RAP1GDS1: variants seen among roughly 807,000 people sequenced by gnomAD.
RAP1GDS1 encodes the protein Rap1 GTPase-GDP dissociation stimulator 1, also known as RAP1, GTP-GDP dissociation stimulator 1.
A neutral mutation model predicts 71.1 loss-of-function variants in RAP1GDS1; 35 were observed. The ratio of observed to expected loss-of-function variants is 0.49; its 90% confidence interval spans 0.38 to 0.65. The LOEUF is 0.65. Among genes scored for constraint, RAP1GDS1 ranks in the 30% least tolerant of loss-of-function variants. The pLI is 0.00. For missense variants in RAP1GDS1, 663 were observed against 706.1 expected (o/e 0.94, Z 0.69); for synonymous variants, 229 against 243.1 (o/e 0.94, Z 0.54).
intron 10 of RAP1GDS1, 67 bp downstream of exon 10, chr4:98,418,858 T>G: frequency 7.1e-7 from 1 of 1,413,522 alleles, no homozygotes; most frequent in Non-Finnish European, 9.3e-7. Context: ...AGCTATTAAC[T>G]GTATGTGATT....
rs115587595 is a variant in RAP1GDS1 at position 98,298,540 on chromosome 4, A to G, written c.112+5025A>G. 1.8e-3 allele frequency among the ~76,000 whole-genome samples: 274 copies of G among 152,286 alleles called. 1 individual carries two copies. The highest frequency in any genetic ancestry group is 6.2e-3 in the African/African-American group (259 of 41,552). ...CTCTGCCTGTTCTCTGAAAATGGAA[A>G]ACAAAGTCTGGATGACAGCACATCT... On this transcript the variant is annotated intron_variant, in intron 2 of 14. Transcript: ENST00000408927.
intron 2 of RAP1GDS1, among the ~76,000 whole-genome samples, chr4:98,341,467 A>G (rs559503190): frequency 9.6e-4 from 147 of 152,346 alleles, no homozygotes; most frequent in Non-Finnish European, 1.5e-3. Flanking sequence ...TAAATGAGAC[A>G]TGCATGGGTG....
chr4:98,368,338 C>G (rs1056149366), intron 4 of RAP1GDS1, among the ~76,000 whole-genome samples: 3 of 152,154 alleles, frequency 2.0e-5, no homozygotes, highest in African/African-American at 7.2e-5. Context: ...ATGTCTTTAT[C>G]AGCAGCGTGA....
At chr4:98,410,517 C>T (rs1746892702) in intron 7 of RAP1GDS1, among the ~76,000 whole-genome samples, 1 of 151,992 alleles carries the variant, frequency 6.6e-6, no homozygotes, top group Admixed American at 6.6e-5. Flanking sequence ...TAGAAATATA[C>T]CCAGAAGCTT....
intron 4 of RAP1GDS1, among the ~76,000 whole-genome samples, chr4:98,374,015 T>C (rs968727625): frequency 6.6e-6 from 1 of 152,218 alleles, no homozygotes; most frequent in Non-Finnish European, 1.5e-5. Context: ...GCGTGCAATT[T>C]AAAACTTTAT....
At chr4:98,314,615 G>C (rs1441555375) in intron 2 of RAP1GDS1, among the ~76,000 whole-genome samples, 1 of 152,148 alleles carries the variant, frequency 6.6e-6, no homozygotes, top group Non-Finnish European at 1.5e-5. Context: ...TAAGAGGAGG[G>C]ATGCAGTTCT....
intron 1 of RAP1GDS1, among the ~76,000 whole-genome samples, chr4:98,276,760 C>G (rs1724264344): frequency 6.6e-6 from 1 of 152,154 alleles, no homozygotes; most frequent in Non-Finnish European, 1.5e-5. Flanking sequence ...AAGGGATTCC[C>G]TGTGCAACCT....
Position 98,279,465 on chromosome 4 carries a change from AT to A in RAP1GDS1, c.5-13934del, listed in dbSNP as rs1177869155. Reference sequence around the variant, plus strand: ...AGATAACTAGTAAATGATTGTTGGAATTTTTTTTTCATATGGAAAAAAACAG... The same window carrying A: ...AGATAACTAGTAAATGATTGTTGGAATTTTTTTTCATATGGAAAAAAACAG... On this transcript the variant is annotated intron_variant, in intron 1 of 14. Transcript: ENST00000408927. 3.3e-5 allele frequency among the ~76,000 whole-genome samples: 5 copies of A among 151,128 alleles called. No homozygotes were observed. In the East Asian group the frequency reaches 7.7e-4, roughly 23 times the overall value.
chr4:98,407,734 A>C (rs1423549541), intron 7 of RAP1GDS1, among the ~76,000 whole-genome samples: 1 of 152,168 alleles, frequency 6.6e-6, no homozygotes, highest in Non-Finnish European at 1.5e-5. Flanking sequence ...AGTGTACACT[A>C]TTCAGATGAC....
chr4:98,380,862 T>G (rs1741895989), intron 5 of RAP1GDS1, among the ~76,000 whole-genome samples: 1 of 151,756 alleles, frequency 6.6e-6, no homozygotes. Flanking sequence ...AGTCTTGTTA[T>G]GCATCTAACC....
intron 1 of RAP1GDS1, among the ~76,000 whole-genome samples, chr4:98,284,817 C>T (rs1194669479): frequency 6.6e-6 from 1 of 152,128 alleles, no homozygotes; most frequent in African/African-American, 2.4e-5. Flanking sequence ...GTAGAAAGGT[C>T]CCAAGTCTCA....
chr4:98,365,668 C>G (rs1292054774), intron 4 of RAP1GDS1, among the ~76,000 whole-genome samples: 1 of 152,116 alleles, frequency 6.6e-6, no homozygotes, highest in African/African-American at 2.4e-5. Context: ...TGAATAAATT[C>G]ACTTTTTCCT....
chr4:98,324,323 A>G (rs1451111536), intron 2 of RAP1GDS1, among the ~76,000 whole-genome samples: 3 of 152,132 alleles, frequency 2.0e-5, no homozygotes, highest in Non-Finnish European at 4.4e-5. Flanking sequence ...AAGAATCAAT[A>G]TCGTGAAAAT....
chr4:98,361,569 T>C (rs1359128061), intron 4 of RAP1GDS1, among the ~76,000 whole-genome samples: 1 of 152,154 alleles, frequency 6.6e-6, no homozygotes, highest in Non-Finnish European at 1.5e-5. Context: ...TTTGAAAAAG[T>C]AGAATTATTG....
At chr4:98,427,031 G>T (rs910637107) in intron 12 of RAP1GDS1, among the ~76,000 whole-genome samples, 2 of 152,034 alleles carry the variant, frequency 1.3e-5, no homozygotes, top group African/African-American at 2.4e-5. Context: ...ATGATCAAAT[G>T]GGTTTCATAC....
intron 6 of RAP1GDS1, chr4:98,396,238 A>G (rs1277761950): frequency 6.6e-6 from 1 of 152,338 alleles, no homozygotes; most frequent in African/African-American, 2.4e-5. Flanking sequence ...TGGAAGGGAC[A>G]AACAGCCAAA....
intron 1 of RAP1GDS1, among the ~76,000 whole-genome samples, chr4:98,282,037 C>T (rs1005277455): frequency 3.3e-5 from 5 of 152,058 alleles, no homozygotes; most frequent in South Asian, 2.1e-4. Flanking sequence ...ATGTTTGCAT[C>T]GATGTTCATC....
intron 5 of RAP1GDS1, among the ~76,000 whole-genome samples, chr4:98,381,143 CTTAGAGACT>C (rs935988878): frequency 6.6e-6 from 1 of 151,604 alleles, no homozygotes; most frequent in African/African-American, 2.4e-5. Context: ...CAAGAAATAA[CTTAGAGACT>C]TTAGAAAGCT....
intron 4 of RAP1GDS1, among the ~76,000 whole-genome samples, chr4:98,377,606 T>C (rs1741345869): frequency 6.7e-6 from 1 of 150,042 alleles, no homozygotes; most frequent in Admixed American, 6.7e-5. Flanking sequence ...GAACATAGTA[T>C]TTCTGAGGTC....
Sources: gnomAD v4.1 joint callset for allele counts (sites outside exome capture counted in the v4.1 genomes callset) on GRCh38, gnomAD v4.1.1 for gene constraint, MANE v1.5 for transcripts, NCBI Gene and HGNC (gene_info 2026-07-23, HGNC 2026-07-21) for gene names.